The following MTAP variants were observed in gnomAD, a reference collection of about 807,000 sequenced individuals.
MTAP encodes the protein methylthioadenosine phosphorylase.
A neutral mutation model predicts 33.6 loss-of-function variants in MTAP; 33 were observed. The observed-to-expected ratio is 0.98, with a 90% CI of 0.74 to 1.31. MTAP has a LOEUF of 1.31. MTAP is among the 40% of genes most tolerant of loss of function. The pLI, the probability that MTAP is intolerant of heterozygous loss-of-function variation, is 0.00. For missense variants in MTAP, 367 were observed against 360.0 expected (o/e 1.02, Z -0.16); for synonymous variants, 148 against 125.7 (o/e 1.18, Z -1.19).
chr9:21,827,576 A>G (rs1009009910), intron 4 of MTAP, among the ~76,000 whole-genome samples: 5 of 152,208 alleles, frequency 3.3e-5, no homozygotes, highest in African/African-American at 9.7e-5. Flanking sequence ...ACCCCAAGTT[A>G]TGTCCTTATA....
At chr9:21,811,087 G>A (rs987716885) in intron 1 of MTAP, among the ~76,000 whole-genome samples, 2 of 152,238 alleles carry the variant, frequency 1.3e-5, no homozygotes, top group African/African-American at 4.8e-5. Context: ...GCCAGCTCCA[G>A]CTCTGGCTCG....
intron 1 of MTAP, among the ~76,000 whole-genome samples, chr9:21,808,421 CAAAA>C (rs55707328): frequency 7.0e-6 from 1 of 143,466 alleles, no homozygotes; most frequent in Non-Finnish European, 1.6e-5. Context: ...CTCATCTCTG[CAAAA>C]AAAAAAAACA....
chr9:21,816,690 A>C, intron 2 of MTAP, 24 bp from the exon 3 acceptor site: 2 of 1,603,750 alleles, frequency 1.2e-6, no homozygotes, highest in Non-Finnish European at 1.7e-6. Flanking sequence ...ACTGAGTTAA[A>C]TGTCATTTTT....
chr9:21,883,381 A>C (rs1269821013), intron 1 of MTAP, among the ~76,000 whole-genome samples: 5 of 152,148 alleles, frequency 3.3e-5, no homozygotes, highest in Non-Finnish European at 7.4e-5. Flanking sequence ...GACAACTCCA[A>C]GTTTGGGCAA....
chr9:21,923,778 C>T (rs943906153), intron 1 of MTAP, among the ~76,000 whole-genome samples: 75 of 151,810 alleles, frequency 4.9e-4, no homozygotes, highest in African/African-American at 1.8e-3. Context: ...ACAAGCTTCT[C>T]ATCTACTTAA....
At chr9:21,927,008 C>T (rs920182550) in intron 1 of MTAP, among the ~76,000 whole-genome samples, 1 of 152,126 alleles carries the variant, frequency 6.6e-6, no homozygotes, top group Non-Finnish European at 1.5e-5. Flanking sequence ...TTATTAAGTC[C>T]TTATATCAGG....
At chr9:21,875,185 A>T (rs1334222390) in intron 1 of MTAP, among the ~76,000 whole-genome samples, 3 of 152,162 alleles carry the variant, frequency 2.0e-5, no homozygotes, top group Non-Finnish European at 4.4e-5. Flanking sequence ...TCCTTTGGGT[A>T]TATGCCCAGT....
chr9:21,903,028 T>C (rs1818416997), intron 1 of MTAP, among the ~76,000 whole-genome samples: 1 of 152,220 alleles, frequency 6.6e-6, no homozygotes, highest in Non-Finnish European at 1.5e-5. Context: ...TGAATTCAAC[T>C]AAATGTGCAG....
At chr9:21,934,220 G>C (rs1819006594), downstream of MTAP, 1 of 152,228 alleles carries the variant, frequency 6.6e-6, no homozygotes, top group African/African-American at 2.4e-5. This position sits in a 1 kb window ranked among gnomAD's most constrained non-coding sequence, Gnocchi z 5.0. Flanking sequence ...CAGTGTCTAA[G>C]TGGTTGAAGT....
At chr9:21,858,633 T>C (rs925783861) in intron 6 of MTAP, among the ~76,000 whole-genome samples, 2 of 152,152 alleles carry the variant, frequency 1.3e-5, no homozygotes, top group Non-Finnish European at 2.9e-5. Flanking sequence ...TCGTGAGAAA[T>C]CCAACCCCAT....
chr9:21,807,419 T>G (rs1587192402), intron 1 of MTAP, among the ~76,000 whole-genome samples: 2 of 152,174 alleles, frequency 1.3e-5, no homozygotes, highest in Admixed American at 6.5e-5. Flanking sequence ...CAGGCCCCAG[T>G]TGAAAATCAC....
chr9:21,868,683 T>G (rs968399282), downstream of MTAP, among the ~76,000 whole-genome samples: 8 of 152,314 alleles, frequency 5.3e-5, no homozygotes, highest in African/African-American at 1.7e-4. Context: ...ATGTTCACTT[T>G]CAGCAGGTGA....
intron 4 of MTAP, among the ~76,000 whole-genome samples, chr9:21,835,235 T>C (rs762310562): frequency 1.3e-5 from 2 of 152,150 alleles, no homozygotes; most frequent in African/African-American, 2.4e-5. Context: ...CATCTCCTAA[T>C]ACCATCACAT....
chr9:21,877,992 T>C (rs1256058493), intron 1 of MTAP, among the ~76,000 whole-genome samples: 1 of 152,086 alleles, frequency 6.6e-6, no homozygotes, highest in Non-Finnish European at 1.5e-5. Context: ...AGACATGAGC[T>C]TTTTATGGTT....
chr9:21,835,778 AACAATGAC>A (rs1294764872), intron 4 of MTAP, among the ~76,000 whole-genome samples: 6 of 152,180 alleles, frequency 3.9e-5, no homozygotes, highest in African/African-American at 1.4e-4. Flanking sequence ...ATTCAGCATT[AACAATGAC>A]ACATCCTGTT....
rs368569088 is a variant in MTAP at position 21,815,718 on chromosome 9, G to C, written c.120+199G>C. 42 of 551,608 alleles carry C rather than the reference G, an allele frequency of 7.6e-5. 1 individual carries two copies. The highest frequency in any genetic ancestry group is 7.6e-4 in the African/African-American group (39 of 51,452). The allele number at this position is 551,608 out of a possible 1,614,324, so 34.2% of individuals were successfully genotyped here. On this transcript the variant is annotated intron_variant, in intron 2 of 7. Transcript: ENST00000644715. The stretch of plus-strand genomic sequence containing the variant: ...GTGTCTGATGGGCGCCTCACACTTT[G>C]ATGTTTTGAGAAAATGGCTACTTAG...
At chr9:21,890,153 C>T (rs949562230) in intron 1 of MTAP, among the ~76,000 whole-genome samples, 1 of 151,928 alleles carries the variant, frequency 6.6e-6, no homozygotes, top group African/African-American at 2.4e-5. Flanking sequence ...GTTCTTAAGC[C>T]GATGGAGTTA....
intron 1 of MTAP, chr9:21,930,175 A>T: frequency 2.8e-6 from 1 of 358,616 alleles, no homozygotes; most frequent in Non-Finnish European, 5.4e-6. Context: ...TTTTTTTGGG[A>T]AAATGAAACC....
intron 4 of MTAP, among the ~76,000 whole-genome samples, chr9:21,820,429 G>A (rs960367100): frequency 2.0e-5 from 3 of 152,102 alleles, no homozygotes; most frequent in Admixed American, 6.5e-5. Context: ...TTTTTGTCAG[G>A]TTTGTCACAG....
Sources: allele counts gnomAD v4.1 joint callset (sites outside exome capture counted in the v4.1 genomes callset), GRCh38; gene constraint gnomAD v4.1.1; non-coding constraint Gnocchi (gnomAD v3.1); transcripts MANE v1.5; gene names NCBI Gene and HGNC (gene_info 2026-07-23, HGNC 2026-07-21).